Variants in TNRC6A observed in about 807,000 individuals in gnomAD.
TNRC6A encodes trinucleotide repeat containing adaptor 6A.
A neutral mutation model predicts 221.2 loss-of-function variants in TNRC6A; 44 were observed. The ratio of observed to expected loss-of-function variants is 0.20; its 90% CI spans 0.16 to 0.26. The LOEUF (loss-of-function observed/expected upper bound fraction) is 0.26, where lower values mean the gene tolerates loss of function less well. TNRC6A is among the 10% of genes least tolerant of loss of function. TNRC6A has a pLI of 1.00. For missense variants in TNRC6A, 2,199 were observed against 2,404.4 expected, an observed-to-expected ratio of 0.91 and a Z score of 1.79; for synonymous variants, 847 against 838.5, an observed-to-expected ratio of 1.01 and a Z score of -0.18.
chr16:24,749,858 G>T (rs965130972), intron 2 of TNRC6A, among the ~76,000 whole-genome samples: 10 of 152,124 alleles, frequency 6.6e-5, no homozygotes, highest in Admixed American at 3.3e-4. Flanking sequence ...TACATTATTA[G>T]ACCAGGCGTG....
chr16:24,671,474 A>G (rs1250942809), intron 2 of TNRC6A, among the ~76,000 whole-genome samples: 1 of 152,150 alleles, frequency 6.6e-6, no homozygotes, highest in East Asian at 1.9e-4. Flanking sequence ...GGTGATGGCA[A>G]TGGCTCATTT....
intron 4 of TNRC6A, among the ~76,000 whole-genome samples, chr16:24,773,229 C>G (rs915340195): frequency 2.6e-5 from 4 of 152,062 alleles, no homozygotes; most frequent in African/African-American, 9.7e-5. Context: ...TTTGTGTGCA[C>G]TGGTTTAGCT....
intron 6 of TNRC6A, among the ~76,000 whole-genome samples, chr16:24,792,748 A>G (rs1436097379): frequency 6.8e-6 from 1 of 146,912 alleles, no homozygotes; most frequent in Non-Finnish European, 1.5e-5. Flanking sequence ...TTGTTTTTCC[A>G]GTGTAGGTGG....
chr16:24,657,770 G>A (rs2054949097), intron 2 of TNRC6A, among the ~76,000 whole-genome samples: 1 of 150,302 alleles, frequency 6.7e-6, no homozygotes, highest in Non-Finnish European at 1.5e-5. Flanking sequence ...TGGAGACTTA[G>A]AAAGCTGTAA....
intron 2 of TNRC6A, among the ~76,000 whole-genome samples, chr16:24,684,791 G>A: frequency 6.6e-6 from 1 of 152,222 alleles, no homozygotes. Context: ...GGGCAACAGA[G>A]CGAGACTGTG....
chr16:24,715,564 C>T (rs1344624470), intron 2 of TNRC6A, among the ~76,000 whole-genome samples: 1 of 149,080 alleles, frequency 6.7e-6, no homozygotes, highest in Admixed American at 6.7e-5. Context: ...ACTGTTCCTT[C>T]TAATCATTTT....
At position 24,685,576 on chromosome 16, in the gene TNRC6A, C is replaced by T. The variant is rs1475187909; in HGVS notation, n.402+44567C>T. ...CTGGTCTCAAACTCCTGGACTCAAGCGATCTGCCTGCCTTGGCCTCCCAAA... is the reference window on the plus strand; with the variant it reads ...CTGGTCTCAAACTCCTGGACTCAAGTGATCTGCCTGCCTTGGCCTCCCAAA... On this transcript the variant is annotated intron_variant and non_coding_transcript_variant, in intron 2 of 2. Coordinates refer to the TNRC6A transcript ENST00000566108. Among the ~76,000 whole-genome samples, 5 of 152,246 alleles carry T rather than the reference C, an allele frequency of 3.3e-5. No individual in the cohort carries two copies. The East Asian group carries it at 5.8e-4, about 18-fold the overall frequency.
At chr16:24,698,369 T>C (rs1596510797) in intron 2 of TNRC6A, among the ~76,000 whole-genome samples, 1 of 152,028 alleles carries the variant, frequency 6.6e-6, no homozygotes, top group East Asian at 1.9e-4. Context: ...TAAATGCCAT[T>C]TGAGGCACCA....
chr16:24,795,435 G>A (rs759530913), intron 8 of TNRC6A, among the ~76,000 whole-genome samples: 1 of 152,134 alleles, frequency 6.6e-6, no homozygotes, highest in Non-Finnish European at 1.5e-5. Context: ...GCTGCTGTCA[G>A]ATCCTCCTGG....
chr16:24,716,955 C>CAAAAAAAAAAAAAAGA (rs141168433), intron 2 of TNRC6A, among the ~76,000 whole-genome samples: 1 of 75,162 alleles, frequency 1.3e-5, no homozygotes, highest in Non-Finnish European at 2.8e-5. Context: ...GACTCCATCT[C>CAAAAAAAAAAAAAAGA]AAAAAAAAAA....
intron 2 of TNRC6A, among the ~76,000 whole-genome samples, chr16:24,741,330 T>A (rs1311636955): frequency 6.6e-6 from 1 of 152,190 alleles, no homozygotes; most frequent in Non-Finnish European, 1.5e-5. Flanking sequence ...GTTTTGAGTG[T>A]TTTTGTCTTG....
Position 24,635,485 on chromosome 16 carries a change from GT to G in TNRC6A, n.277-5397del, listed in dbSNP as rs1162775906. Among the ~76,000 whole-genome samples, 5 of 152,014 alleles carry G rather than the reference GT, an allele frequency of 3.3e-5. No individual in the cohort carries two copies. In the East Asian group the frequency reaches 9.6e-4, roughly 29 times the overall value. ...TTTAGTACAGACAGGGTTTCACCAT[GT>G]TGGCCAGGCTGGTCTCAAACTCCTG... On this transcript the variant is annotated intron_variant and non_coding_transcript_variant, in intron 1 of 2. Transcript: ENST00000566108.
At chr16:24,751,534 T>A (rs977704157) in intron 3 of TNRC6A, among the ~76,000 whole-genome samples, 1 of 152,172 alleles carries the variant, frequency 6.6e-6, no homozygotes, top group Non-Finnish European at 1.5e-5. Flanking sequence ...ACCAAACAAT[T>A]GTATTAGTAT....
chr16:24,698,172 A>G (rs905286610), intron 2 of TNRC6A, among the ~76,000 whole-genome samples: 2 of 152,146 alleles, frequency 1.3e-5, no homozygotes, highest in South Asian at 2.1e-4. Context: ...TACAAAAAAA[A>G]TTAAAAAGAA....
intron 1 of TNRC6A, among the ~76,000 whole-genome samples, chr16:24,628,419 CA>C (rs1430890021): frequency 6.7e-6 from 1 of 150,150 alleles, no homozygotes; most frequent in African/African-American, 2.4e-5. Context: ...GACTCCATCT[CA>C]AAAAAAAGAA....
intron 1 of TNRC6A, among the ~76,000 whole-genome samples, chr16:24,624,294 ACACGTGGC>A (rs1900844712): frequency 6.6e-6 from 1 of 152,202 alleles, no homozygotes; most frequent in African/African-American, 2.4e-5. Context: ...TCACAGCAGG[ACACGTGGC>A]CATCTCAGAG....
intron 2 of TNRC6A, chr16:24,671,130 C>A: frequency 4.2e-6 from 1 of 236,756 alleles, no homozygotes; most frequent in Non-Finnish European, 9.4e-6. Flanking sequence ...AATGACGAAG[C>A]ACCCGCCTGC....
chr16:24,718,812 G>A lies in TNRC6A; in HGVS notation n.403-31914G>A, dbSNP rs577815850. On this transcript the variant is annotated intron_variant and non_coding_transcript_variant, in intron 2 of 2. Coordinates refer to the TNRC6A transcript ENST00000566108. ...AGCACTTTGGGAGGCTGAGGCGGGC[G>A]GATCACCTGAGGTCAGGAGTTTGAG... 3.9e-5 allele frequency among the ~76,000 whole-genome samples: 6 copies of A among 152,024 alleles called. No homozygotes were observed. In the South Asian group the frequency reaches 8.3e-4, roughly 21 times the overall value.
chr16:24,820,956 A>C (rs1305423862), intron 22 of TNRC6A, among the ~76,000 whole-genome samples: 1 of 152,202 alleles, frequency 6.6e-6, no homozygotes, highest in Non-Finnish European at 1.5e-5. Flanking sequence ...ATACAGTCTT[A>C]TCCTTCACTC....
Sources: allele counts gnomAD v4.1 joint callset (sites outside exome capture counted in the v4.1 genomes callset), GRCh38; gene constraint gnomAD v4.1.1; transcripts MANE v1.5; gene names NCBI Gene and HGNC (gene_info 2026-07-23, HGNC 2026-07-21).